The following ASPRV1 variants were observed in gnomAD, a reference collection of about 807,000 sequenced individuals.
ASPRV1 encodes aspartic peptidase retroviral like 1, also known as retroviral-like aspartic protease 1.
Under a neutral mutation model 11.0 loss-of-function variants are expected in ASPRV1, and 7 were observed. The observed-to-expected ratio is 0.64, with a 90% CI of 0.36 to 1.20. ASPRV1 has a LOEUF of 1.20. Ranked by LOEUF, ASPRV1 falls within the 50% of genes most tolerant of loss-of-function variation. ASPRV1 has a pLI of 0.02. For synonymous variants in ASPRV1, 136 were observed against 138.4 expected (o/e 0.98, Z 0.12); for missense variants, 299 against 320.0 (o/e 0.93, Z 0.50).
At chr2:69,973,477 T>TC in the ASPRV1 span, among the ~76,000 whole-genome samples, 347 of 152,140 alleles carry the variant, frequency 2.3e-3, 2 homozygotes, top group African/African-American at 7.9e-3. Context: ...GCTCAAGAGA[T>TC]CCTCCTGCCT....
the ASPRV1 span, chr2:69,937,405 C>G: frequency 9.4e-6 from 15 of 1,591,674 alleles, no homozygotes; most frequent in East Asian, 2.2e-5. Context: ...GTGAGCCTCT[C>G]TCACTCTCCT....
the ASPRV1 span, among the ~76,000 whole-genome samples, chr2:69,934,688 A>G: frequency 6.6e-6 from 1 of 152,200 alleles, no homozygotes. Flanking sequence ...ATAGCATGGT[A>G]TACTCACAGT....
At chr2:70,078,454 G>A in the ASPRV1 span, among the ~76,000 whole-genome samples, 1 of 152,214 alleles carries the variant, frequency 6.6e-6, no homozygotes, top group Non-Finnish European at 1.5e-5. Flanking sequence ...AAAGCAGAAG[G>A]CAGAGAGATA....
the ASPRV1 span, among the ~76,000 whole-genome samples, chr2:70,019,371 A>G: frequency 2.6e-5 from 4 of 152,348 alleles, no homozygotes; most frequent in South Asian, 8.3e-4. Context: ...CAAAAATTTA[A>G]AAGTAGAACT....
the ASPRV1 span, among the ~76,000 whole-genome samples, chr2:70,019,772 T>A: frequency 2.0e-5 from 3 of 151,966 alleles, no homozygotes; most frequent in Non-Finnish European, 4.4e-5. Flanking sequence ...GTGGGGAGAT[T>A]GGAAGGATGT....
chr2:69,947,807 G>C, the ASPRV1 span, among the ~76,000 whole-genome samples: 1 of 152,248 alleles, frequency 6.6e-6, no homozygotes, highest in East Asian at 1.9e-4. Flanking sequence ...CCAAGGACTA[G>C]GAGGGTGGTG....
the ASPRV1 span, among the ~76,000 whole-genome samples, chr2:69,996,401 A>T: frequency 6.6e-6 from 1 of 151,956 alleles, no homozygotes; most frequent in Non-Finnish European, 1.5e-5. Flanking sequence ...CAAAAAAAAA[A>T]TTCAATTTTA....
At chr2:69,976,320 C>A in the ASPRV1 span, 10 of 152,622 alleles carry the variant, frequency 6.6e-5, no homozygotes, top group Admixed American at 6.5e-4. Flanking sequence ...TCCTCACGCT[C>A]ACCTGGCTCC....
the ASPRV1 span, chr2:70,085,695 A>C: frequency 6.6e-6 from 1 of 152,274 alleles, no homozygotes; most frequent in Non-Finnish European, 1.5e-5. Flanking sequence ...AAAATTAAAG[A>C]TAGAATACGG....
At chr2:70,007,192 T>C in the ASPRV1 span, among the ~76,000 whole-genome samples, 1 of 152,232 alleles carries the variant, frequency 6.6e-6, no homozygotes, top group East Asian at 1.9e-4. Flanking sequence ...TGTGAAATAC[T>C]GGGTAGCCAT....
the ASPRV1 span, among the ~76,000 whole-genome samples, chr2:70,044,906 T>C: frequency 1.3e-5 from 2 of 152,218 alleles, no homozygotes; most frequent in East Asian, 3.8e-4. Context: ...ACAGATTTTA[T>C]GTAGATGATA....
the ASPRV1 span, among the ~76,000 whole-genome samples, chr2:69,955,081 G>A: frequency 6.6e-6 from 1 of 152,184 alleles, no homozygotes; most frequent in Middle Eastern, 3.2e-3. Flanking sequence ...CAGCCAAGAG[G>A]CTTCCTTACC....
At chr2:70,086,321 T>C in the ASPRV1 span, 1 of 151,542 alleles carries the variant, frequency 6.6e-6, no homozygotes, top group African/African-American at 2.4e-5. Context: ...GGAGGCGGAG[T>C]AGCGCCACGT....
At chr2:70,078,804 A>T in the ASPRV1 span, among the ~76,000 whole-genome samples, 2 of 152,236 alleles carry the variant, frequency 1.3e-5, no homozygotes, top group African/African-American at 4.8e-5. Flanking sequence ...GTTTTCAGCA[A>T]AGCAGTGACT....
chr2:70,072,880 T>C, the ASPRV1 span, among the ~76,000 whole-genome samples: 10 of 146,578 alleles, frequency 6.8e-5, no homozygotes, highest in Non-Finnish European at 1.5e-4. Flanking sequence ...AGTGAAACCT[T>C]GTCTCTATAA....
At chr2:69,951,252 C>T in the ASPRV1 span, among the ~76,000 whole-genome samples, 2 of 151,554 alleles carry the variant, frequency 1.3e-5, no homozygotes, top group Non-Finnish European at 2.9e-5. Flanking sequence ...GGTGAAACCC[C>T]GTCTCTACTA....
the ASPRV1 span, among the ~76,000 whole-genome samples, chr2:69,999,963 G>A: frequency 1.8e-4 from 27 of 152,144 alleles, no homozygotes; most frequent in African/African-American, 6.0e-4. Context: ...GGCCCCGCTC[G>A]CCTCCTCTCT....
At chr2:70,005,761 C>G in the ASPRV1 span, among the ~76,000 whole-genome samples, 1 of 152,190 alleles carries the variant, frequency 6.6e-6, no homozygotes, top group Non-Finnish European at 1.5e-5. Flanking sequence ...ACTACCCACC[C>G]CCAAACTTCA....
At chr2:69,980,542 G>A in the ASPRV1 span, among the ~76,000 whole-genome samples, 1 of 152,106 alleles carries the variant, frequency 6.6e-6, no homozygotes, top group Non-Finnish European at 1.5e-5. Flanking sequence ...AATACAACAT[G>A]CTATCCTGGA....
Sources: allele counts gnomAD v4.1 joint callset (sites outside exome capture counted in the v4.1 genomes callset), GRCh38; gene constraint gnomAD v4.1.1; transcripts MANE v1.5; gene names NCBI Gene and HGNC (gene_info 2026-07-23, HGNC 2026-07-21).